Variants in IMPG1 observed in about 807,000 individuals in gnomAD.
IMPG1 encodes the protein interphotoreceptor matrix proteoglycan of 150 kDa.
A neutral mutation model predicts 92.0 loss-of-function variants in IMPG1; 85 were observed. The ratio of observed to expected loss-of-function variants is 0.92; its 90% CI spans 0.78 to 1.11. The LOEUF is 1.11. Among genes scored for constraint, IMPG1 ranks in the 50% least tolerant of loss-of-function variants. The pLI, the probability that IMPG1 is intolerant of heterozygous loss-of-function variation, is 0.00. For synonymous variants in IMPG1, 367 were observed against 334.1 expected, an observed-to-expected ratio of 1.10 and a Z score of -1.08; for missense variants, 1,022 against 956.0, an observed-to-expected ratio of 1.07 and a Z score of -0.91.
rs1336844214 is a variant in IMPG1 at position 75,926,392 on chromosome 6, GA to G, written c.2244-2687del. ...GGAGTTGGTAACAACTATCCAGAGG[GA>G]AAAAAACTAGACCTCCTTTTCTCCA... On this transcript the variant is annotated intron_variant, in intron 15 of 16. Transcript: ENST00000369950. Among the ~76,000 whole-genome samples, 5 of 152,232 alleles carry G rather than the reference GA, an allele frequency of 3.3e-5. No homozygotes were observed. The South Asian group carries it at 6.2e-4, about 19-fold the overall frequency.
chr6:75,937,784 TC>T (rs1781771743), intron 14 of IMPG1, among the ~76,000 whole-genome samples: 1 of 152,254 alleles, frequency 6.6e-6, no homozygotes, highest in African/African-American at 2.4e-5. Flanking sequence ...TGTAAATGCA[TC>T]CTGGATGTCA....
At chr6:76,034,580 TCGTGCAGTGTTCC>T (rs1307953313) in intron 3 of IMPG1, 28 bp downstream of exon 3, 1 of 1,603,508 alleles carries the variant, frequency 6.2e-7, no homozygotes, top group South Asian at 1.1e-5. Context: ...TGGGAACTGT[TCGTGCAGTGTTCC>T]AAATAACCAT....
chr6:76,069,525 C>T (rs1353327331), intron 1 of IMPG1, among the ~76,000 whole-genome samples: 1 of 152,070 alleles, frequency 6.6e-6, no homozygotes, highest in Non-Finnish European at 1.5e-5. Flanking sequence ...AACAACTCAA[C>T]AGAAAATACT....
chr6:75,998,434 T>A (rs1782935003), intron 12 of IMPG1, among the ~76,000 whole-genome samples: 1 of 152,128 alleles, frequency 6.6e-6, no homozygotes, highest in Admixed American at 6.5e-5. Flanking sequence ...TCTGATGGAG[T>A]CAAAGGCTGA....
intron 12 of IMPG1, among the ~76,000 whole-genome samples, chr6:75,995,028 C>T (rs1174176107): frequency 6.6e-6 from 1 of 152,184 alleles, no homozygotes; most frequent in African/African-American, 2.4e-5. Context: ...ACTGCAGACA[C>T]ATATATTACC....
At chr6:76,002,820 C>T (rs946850011) in intron 12 of IMPG1, 98 bp downstream of exon 12, 40 of 908,884 alleles carry the variant, frequency 4.4e-5, no homozygotes, top group Non-Finnish European at 6.3e-5. Context: ...TTCCTGGGTT[C>T]GGGATGGCTT....
chr6:76,021,912 T>C (rs1275977191), intron 6 of IMPG1, among the ~76,000 whole-genome samples: 1 of 151,022 alleles, frequency 6.6e-6, no homozygotes. Context: ...CCTTTTATTC[T>C]AGGTCTTAAT....
Position 75,973,291 on chromosome 6 carries a change from T to TC in IMPG1, c.1292-22198_1292-22197insG, listed in dbSNP as rs1161231115. Among the ~76,000 whole-genome samples the TC allele has an allele frequency of 6.6e-5, 8 of 120,494 alleles. No homozygotes were observed. In the East Asian group the frequency reaches 2.5e-3, roughly 38 times the overall value. 79.0% of individuals were successfully genotyped at this position (120,494 alleles called of 152,430 possible). A position where few individuals can be genotyped will look rare whatever the true frequency, so the allele number is the denominator to read the frequency against. On this transcript the variant is annotated intron_variant, in intron 12 of 16. Transcript: ENST00000369950. ...CACTGTGCCTGGCTGCAATCCTACT[T>TC]TCCCCCCCGCCCAAAACTGATCTTT...
intron 2 of IMPG1, among the ~76,000 whole-genome samples, chr6:76,040,590 G>A (rs1783818345): frequency 1.3e-5 from 2 of 152,164 alleles, no homozygotes; most frequent in Non-Finnish European, 2.9e-5. Flanking sequence ...TGCCCTTCTA[G>A]GACCTTAGAA....
At chr6:75,959,368 G>T (rs569095829) in intron 12 of IMPG1, among the ~76,000 whole-genome samples, 1 of 152,316 alleles carries the variant, frequency 6.6e-6, no homozygotes, top group Admixed American at 6.5e-5. Flanking sequence ...TGAAGAGGCA[G>T]TCTGTCCCTT....
chr6:75,924,749 A>ATTATATATCATATAATTATATATT lies in IMPG1; in HGVS notation c.2244-1044_2244-1043insAATATATAATTATATGATATATAA, dbSNP rs1293067437. The stretch of plus-strand genomic sequence containing the variant: ...TAATTATATATAATATATAATATAT[A>ATTATATATCATATAATTATATATT]ATATATCATATAATTATATATAATA... On this transcript the variant is annotated intron_variant, in intron 15 of 16. Coordinates refer to ENST00000369950, the MANE Select transcript of IMPG1 (RefSeq NM_001563.4). 3.7e-4 allele frequency among the ~76,000 whole-genome samples: 12 copies of ATTATATATCATATAATTATATATT among 32,312 alleles called. 1 individual carries two copies. The highest frequency in any genetic ancestry group is 1.4e-3 in the African/African-American group (12 of 8,796). 21.2% of individuals were successfully genotyped at this position (32,312 alleles called of 152,430 possible). A position where few individuals can be genotyped will look rare whatever the true frequency, so the allele number is the denominator to read the frequency against.
intron 12 of IMPG1, among the ~76,000 whole-genome samples, chr6:75,993,259 G>T (rs1392381673): frequency 6.6e-6 from 1 of 152,134 alleles, no homozygotes; most frequent in Non-Finnish European, 1.5e-5. Flanking sequence ...CGGGGCATTG[G>T]TATTTAAATT....
At chr6:76,026,185 C>G (rs1227587281) in intron 4 of IMPG1, among the ~76,000 whole-genome samples, 1 of 152,130 alleles carries the variant, frequency 6.6e-6, no homozygotes. Flanking sequence ...CCTTTTCACC[C>G]AATAAAACCC....
At chr6:76,002,836 C>T (rs1783019978) in intron 12 of IMPG1, 82 bp downstream of exon 12, 2 of 1,085,080 alleles carry the variant, frequency 1.8e-6, no homozygotes, top group Non-Finnish European at 2.8e-6. Context: ...GGCTTTGTCA[C>T]TGGTCTTTGA....
intron 14 of IMPG1, among the ~76,000 whole-genome samples, chr6:75,940,073 C>T (rs1248127196): frequency 6.6e-6 from 1 of 152,242 alleles, no homozygotes; most frequent in Non-Finnish European, 1.5e-5. Context: ...GCAACATTGT[C>T]TCTCACCTCA....
chr6:76,059,132 A>G (rs769661558), intron 1 of IMPG1, among the ~76,000 whole-genome samples: 6 of 152,120 alleles, frequency 3.9e-5, no homozygotes, highest in Non-Finnish European at 8.8e-5. Flanking sequence ...TCAGAATCTT[A>G]TATCTCCAGA....
chr6:76,034,729 TG>T lies in IMPG1; in HGVS notation c.359del (p.Thr120LysfsTer39). On this transcript the variant is annotated frameshift_variant, in exon 3 of 17. Transcript: ENST00000369950. LOFTEE classifies it high-confidence loss of function. ...TGCTGACCCAGTCCTGATATTCCCC[TG>T]TGTCAGGGATGCGATCCAGAAAGAT... ...YRIFLDRIPD[T>X]GEYQDWVSIC... is the part of the protein sequence containing the mutation. 6.2e-7 allele frequency: 1 copy of T among 1,614,042 alleles called. No individual in the cohort carries two copies. The highest frequency in any genetic ancestry group is 1.1e-5 in the South Asian group (1 of 91,076).
intron 6 of IMPG1, 21 bp from the exon 7 acceptor site, chr6:76,018,879 A>AC: frequency 6.5e-7 from 1 of 1,546,260 alleles, no homozygotes; most frequent in Non-Finnish European, 8.7e-7. Flanking sequence ...AAAAAAAAAA[A>AC]AGGACTTCTG....
At chr6:75,927,652 G>A (rs1304353128) in intron 15 of IMPG1, among the ~76,000 whole-genome samples, 3 of 152,018 alleles carry the variant, frequency 2.0e-5, no homozygotes, top group Non-Finnish European at 4.4e-5. Flanking sequence ...TCAGGAAGTT[G>A]AAAAGGGCAA....
Sources: allele counts gnomAD v4.1 joint callset (sites outside exome capture counted in the v4.1 genomes callset), GRCh38; gene constraint gnomAD v4.1.1; transcripts MANE v1.5; gene names NCBI Gene and HGNC (gene_info 2026-07-23, HGNC 2026-07-21).